Variants in SH2D4A observed in about 807,000 individuals in gnomAD.
The protein encoded by SH2D4A is SH2 domain-containing protein 4A.
SH2D4A carries 70 observed loss-of-function variants against 64.7 expected under a neutral mutation model. That is an observed-to-expected ratio of 1.08 (90% CI 0.89 to 1.32). The LOEUF (loss-of-function observed/expected upper bound fraction) is 1.32. SH2D4A is among the 40% of genes most tolerant of loss of function. The pLI is 0.00. For missense variants in SH2D4A, 706 were observed against 540.1 expected (o/e 1.31, Z -3.04); for synonymous variants, 268 against 200.7 (o/e 1.34, Z -2.83).
Position 19,393,526 on chromosome 8 carries a change from G to C in SH2D4A, c.1257G>C (p.Leu419Phe), listed in dbSNP as rs993814291. The change falls in exon 9 of 10, where the codon TTG (leucine) becomes TTC (phenylalanine). Residue 419 changes from leucine (L) to phenylalanine (F), a missense_variant. Leu to Phe is a conservative substitution (Grantham distance 22). Transcript: ENST00000265807. Reference sequence around the variant, plus strand: ...TACAGCATGCCACCTTGGCGGATTTGGTGGAATATCACAAGGTGAAGCAAT... The same window carrying C: ...TACAGCATGCCACCTTGGCGGATTTCGTGGAATATCACAAGGTGAAGCAAT... Reference protein sequence around the residue: ...DQLQHATLADLVEYHKEEPIT... With the variant: ...DQLQHATLADFVEYHKEEPIT... The C allele has an allele frequency of 6.2e-7, 1 of 1,614,030 alleles. No individual in the cohort carries two copies. The highest frequency in any genetic ancestry group is 8.5e-7 in the Non-Finnish European group (1 of 1,180,048).
intron 4 of SH2D4A, among the ~76,000 whole-genome samples, chr8:19,355,995 G>C (rs1346399148): frequency 6.6e-6 from 1 of 152,174 alleles, no homozygotes; most frequent in African/African-American, 2.4e-5. Context: ...TCTAGTTCAG[G>C]AGGGCTCTGC....
At chr8:19,372,364 G>A (rs1169857505) in intron 7 of SH2D4A, among the ~76,000 whole-genome samples, 1 of 152,146 alleles carries the variant, frequency 6.6e-6, no homozygotes, top group Non-Finnish European at 1.5e-5. Context: ...AGGGTACAGG[G>A]GCTGTGTGGG....
chr8:19,314,115 G>T (rs1244729070), intron 1 of SH2D4A: 1 of 1,140,716 alleles, frequency 8.8e-7, no homozygotes, highest in South Asian at 4.2e-5. Context: ...GGGCTTGCAG[G>T]GGGTGGCGGG....
chr8:19,323,197 A>G (rs1332180501), intron 2 of SH2D4A, among the ~76,000 whole-genome samples: 1 of 152,042 alleles, frequency 6.6e-6, no homozygotes, highest in Non-Finnish European at 1.5e-5. Flanking sequence ...GTGGCTCTTG[A>G]GCACAGGAAA....
intron 8 of SH2D4A, among the ~76,000 whole-genome samples, chr8:19,383,157 TCTC>T (rs2053326919): frequency 1.3e-5 from 2 of 152,076 alleles, no homozygotes; most frequent in South Asian, 2.1e-4. Flanking sequence ...TCTGCCCCCT[TCTC>T]CTTCTGATAG....
At chr8:19,375,202 A>G (rs890501045) in intron 8 of SH2D4A, 1 of 151,948 alleles carries the variant, frequency 6.6e-6, no homozygotes, top group Non-Finnish European at 1.5e-5. Flanking sequence ...CATAAGCAAA[A>G]TAAAACTGTA....
intron 5 of SH2D4A, among the ~76,000 whole-genome samples, chr8:19,359,533 T>C (rs2052845771): frequency 6.6e-6 from 1 of 152,186 alleles, no homozygotes; most frequent in Non-Finnish European, 1.5e-5. Context: ...CTGTTTAAGC[T>C]TAGAAATTGC....
At position 19,332,974 on chromosome 8, in the gene SH2D4A, T is replaced by C. The variant is rs371189282; in HGVS notation, c.201T>C (p.His67=). 6 of 1,611,964 alleles carry C rather than the reference T, an allele frequency of 3.7e-6. No homozygotes were observed. Among genetic ancestry groups the C allele is most frequent in the Non-Finnish European group, 4.2e-6 (5 of 1,179,648 alleles). The change falls in exon 3 of 10, where the codon CAT becomes CAC. Residue 67 remains histidine, a synonymous_variant. Coordinates refer to ENST00000265807, the MANE Select transcript of SH2D4A (RefSeq NM_022071.4). ...RPKKENGKSV[H]WKLGADKEVW... ...TTGCAGAGAATGGCAAATCGGTTCATTGGAAACTTGGAGCTGATAAGGAAG... is the reference window on the plus strand; with the variant it reads ...TTGCAGAGAATGGCAAATCGGTTCACTGGAAACTTGGAGCTGATAAGGAAG...
chr8:19,337,689 G>A (rs977939617), intron 4 of SH2D4A, among the ~76,000 whole-genome samples: 1 of 152,146 alleles, frequency 6.6e-6, no homozygotes. Context: ...TGAAAGGCAC[G>A]TCTAACATGG....
rs1289927782 is a variant in SH2D4A, at chr8:19,333,118, T to C, written c.341+4T>C. The C allele has an allele frequency of 6.2e-7, 1 of 1,604,986 alleles. No homozygotes were observed. On this transcript the variant is annotated splice_donor_region_variant and intron_variant, in intron 3 of 9. Coordinates refer to ENST00000265807, the MANE Select transcript of SH2D4A (RefSeq NM_022071.4). Reference sequence around the variant, plus strand: ...AACAGGAGGCAGAAGAGCCCAGGTATGAGATCTGCAAACCAACCAGAGACT... The same window carrying C: ...AACAGGAGGCAGAAGAGCCCAGGTACGAGATCTGCAAACCAACCAGAGACT...
chr8:19,332,847 A>G (rs2052385328), intron 2 of SH2D4A, 108 bp from the exon 3 acceptor site: 1 of 979,552 alleles, frequency 1.0e-6, no homozygotes, highest in East Asian at 2.6e-5. Flanking sequence ...CATCTGATAT[A>G]TATATATATA....
rs955717 is a variant in SH2D4A at position 19,394,507 on chromosome 8, G to A, written c.1273-43G>A. ...TCTGAGGAAGTAGGAAGAGCATGTG[G>A]TCACTACTTACACTATCTGACCCCG... On this transcript the variant is annotated intron_variant, in intron 9 of 9. Coordinates refer to ENST00000265807, the MANE Select transcript of SH2D4A (RefSeq NM_022071.4). 6.2e-3 allele frequency: 8,445 copies of A among 1,368,550 alleles called. 509 individuals carry two copies. In the East Asian group the frequency reaches 0.14, roughly 23 times the overall value. 84.8% of individuals were successfully genotyped at this position (1,368,550 alleles called of 1,614,324 possible).
intron 1 of SH2D4A, among the ~76,000 whole-genome samples, chr8:19,314,342 C>T (rs886824599): frequency 2.0e-5 from 3 of 152,096 alleles, no homozygotes; most frequent in Non-Finnish European, 2.9e-5. Context: ...TGGCAGCTGG[C>T]GCAGCACCCC....
At chr8:19,335,446 C>T (rs2052431953) in intron 4 of SH2D4A, among the ~76,000 whole-genome samples, 1 of 152,174 alleles carries the variant, frequency 6.6e-6, no homozygotes, top group South Asian at 2.1e-4. Context: ...TCAGGTTCTC[C>T]TCAATGCTGC....
intron 8 of SH2D4A, among the ~76,000 whole-genome samples, chr8:19,380,368 A>G (rs557171738): frequency 6.6e-6 from 1 of 151,968 alleles, no homozygotes; most frequent in African/African-American, 2.4e-5. Flanking sequence ...AAAATGCTTT[A>G]ATTTTCATGA....
At chr8:19,374,700 TTTG>T (rs1403385391) in intron 8 of SH2D4A, among the ~76,000 whole-genome samples, 3 of 152,178 alleles carry the variant, frequency 2.0e-5, no homozygotes, top group African/African-American at 4.8e-5. Flanking sequence ...TGATTCAGAC[TTTG>T]TTAAGTATCC....
intron 8 of SH2D4A, among the ~76,000 whole-genome samples, chr8:19,384,152 T>A (rs970508559): frequency 2.0e-5 from 3 of 152,110 alleles, no homozygotes; most frequent in African/African-American, 7.2e-5. Context: ...TTTCTACAAG[T>A]GTTTATTTAG....
rs75590099 is a variant in SH2D4A at position 19,334,856 on chromosome 8, G to A, written c.512G>A (p.Arg171Gln). The A allele has an allele frequency of 9.4e-6, 15 of 1,603,424 alleles. No homozygotes were observed. In the East Asian group the frequency reaches 1.6e-4, roughly 17 times the overall value. The change falls in exon 4 of 10, where the codon CGA becomes CAA. Residue 171 changes from arginine to glutamine, a missense_variant and splice_region_variant. By Grantham distance (43) the Arg-to-Gln change is conservative (BLOSUM62 1). Coordinates refer to ENST00000265807, the MANE Select transcript of SH2D4A (RefSeq NM_022071.4). ...CCAACCCTGGAAGAAGAGAAAATCCGAGTGAGTCCTTACTGTCTGTAGACG... is the reference window on the plus strand; with the variant it reads ...CCAACCCTGGAAGAAGAGAAAATCCAAGTGAGTCCTTACTGTCTGTAGACG... The part of the protein sequence containing the change: ...PAPTLEEEKI[R>Q]SLSSSSRNIQ...
At chr8:19,348,889 C>G (rs1251370550) in intron 4 of SH2D4A, among the ~76,000 whole-genome samples, 4 of 152,094 alleles carry the variant, frequency 2.6e-5, no homozygotes, top group Non-Finnish European at 1.5e-5. Flanking sequence ...GTTAGCAGAA[C>G]CAGTGTGGCA....
Sources: gnomAD v4.1 joint callset for allele counts (sites outside exome capture counted in the v4.1 genomes callset) on GRCh38, gnomAD v4.1.1 for gene constraint, MANE v1.5 for transcripts, NCBI Gene and HGNC (gene_info 2026-07-23, HGNC 2026-07-21) for gene names.